CUX2: variants seen among roughly 807,000 people sequenced by gnomAD.
CUX2 encodes homeobox protein cut-like 2.
Under a neutral mutation model 144.8 loss-of-function variants are expected in CUX2, and 40 were observed. The observed-to-expected ratio is 0.28, with a 90% confidence interval of 0.21 to 0.36. CUX2 has a LOEUF of 0.36. CUX2 is among the 10% of genes least tolerant of loss of function. The pLI, the probability that CUX2 is intolerant of heterozygous loss-of-function variation, is 1.00. For synonymous variants in CUX2, 827 were observed against 875.6 expected, an observed-to-expected ratio of 0.94 and a Z score of 0.98; for missense variants, 1,615 against 1,994.0, an observed-to-expected ratio of 0.81 and a Z score of 3.62.
chr12:111,066,098 G>A (rs1871009195), intron 1 of CUX2, among the ~76,000 whole-genome samples: 1 of 152,232 alleles, frequency 6.6e-6, no homozygotes, highest in Non-Finnish European at 1.5e-5. Flanking sequence ...TACTCGCTGA[G>A]TGTGAAGGCC....
chr12:111,251,008 A>AT (rs1289159382), intron 3 of CUX2, among the ~76,000 whole-genome samples: 2 of 151,958 alleles, frequency 1.3e-5, no homozygotes, highest in Non-Finnish European at 1.5e-5. Context: ...CGTATAGTGT[A>AT]TTTTTTTTAA....
At chr12:111,150,842 C>T (rs1877002229) in intron 1 of CUX2, among the ~76,000 whole-genome samples, 2 of 152,022 alleles carry the variant, frequency 1.3e-5, no homozygotes, top group Non-Finnish European at 2.9e-5. Flanking sequence ...ACCACAAAGA[C>T]GAGAGGTCAC....
At chr12:111,227,978 C>T (rs754235760) in intron 3 of CUX2, among the ~76,000 whole-genome samples, 18 of 152,174 alleles carry the variant, frequency 1.2e-4, no homozygotes, top group Non-Finnish European at 2.4e-4. Flanking sequence ...ACAGCGCCAG[C>T]GGCAATCACG....
Position 111,196,436 on chromosome 12 carries a change from G to A in CUX2, c.64-17764G>A, listed in dbSNP as rs754423016. Among the ~76,000 whole-genome samples the A allele has an allele frequency of 5.9e-4, 90 of 152,312 alleles. 1 individual carries two copies. Among genetic ancestry groups the A allele is most frequent in the Non-Finnish European group, 1.2e-3 (79 of 68,032 alleles). ...GAAACTGCCAAACTGTTTTTCTGAA[G>A]TGGCTGTACCATGTTGCATTCCCAC... On this transcript the variant is annotated intron_variant, in intron 1 of 21. Coordinates refer to ENST00000261726, the MANE Select transcript of CUX2 (RefSeq NM_015267.4).
chr12:111,122,109 T>C (rs190908562), intron 1 of CUX2, among the ~76,000 whole-genome samples: 109 of 152,298 alleles, frequency 7.2e-4, no homozygotes, highest in African/African-American at 1.4e-3. Flanking sequence ...CCCGTCCACC[T>C]GGGACTGCCA....
intron 3 of CUX2, among the ~76,000 whole-genome samples, chr12:111,259,031 CTGTGTGTGTGTGTGTGTGTGTG>C (rs57814010): frequency 4.2e-4 from 56 of 132,310 alleles, no homozygotes; most frequent in African/African-American, 1.5e-3. Context: ...CCACACCCAG[CTGTGTGTGTGTGTGTGTGTGTG>C]TGTGTGTGTG....
intron 1 of CUX2, among the ~76,000 whole-genome samples, chr12:111,123,836 A>C (rs1215727780): frequency 6.6e-6 from 1 of 152,196 alleles, no homozygotes; most frequent in East Asian, 1.9e-4. Flanking sequence ...GCGCCCAGAC[A>C]AACTTAATCC....
chr12:111,099,537 C>T, intron 1 of CUX2: 1 of 456,608 alleles, frequency 2.2e-6, no homozygotes, highest in African/African-American at 2.0e-5. Context: ...GGGGTGGCCC[C>T]CTATTTGTTG....
At chr12:111,290,402 C>T (rs573472510) in intron 4 of CUX2, among the ~76,000 whole-genome samples, 1 of 152,256 alleles carries the variant, frequency 6.6e-6, no homozygotes, top group African/African-American at 2.4e-5. Flanking sequence ...ACTGGGACTA[C>T]AGGCATGTGC....
chr12:111,224,711 GCAGGGAGCAGGGGAGGC>G (rs1258835747), intron 3 of CUX2, among the ~76,000 whole-genome samples: 2 of 151,908 alleles, frequency 1.3e-5, no homozygotes, highest in African/African-American at 2.4e-5. Flanking sequence ...GCAGGGGAGG[GCAGGGAGCAGGGGAGGC>G]CAGGGAGCAG....
At chr12:111,207,078 C>T (rs377601075) in intron 1 of CUX2, among the ~76,000 whole-genome samples, 10 of 152,106 alleles carry the variant, frequency 6.6e-5, no homozygotes, top group Non-Finnish European at 1.2e-4. Context: ...GGTAGTTGGA[C>T]GGATGTTGGA....
At position 111,165,169 on chromosome 12, in the gene CUX2, C is replaced by T. The variant is rs532378784; in HGVS notation, c.64-49031C>T. 1.6e-4 allele frequency among the ~76,000 whole-genome samples: 25 copies of T among 152,184 alleles called. 1 individual carries two copies. The highest frequency in any genetic ancestry group is 6.2e-4 in the South Asian group (3 of 4,818). ...CGTAAGGGACTAGGGGCTATTTATG[C>T]GGGTAAGGATGGGGTGGAGGCTATG... On this transcript the variant is annotated intron_variant, in intron 1 of 21. Coordinates refer to ENST00000261726, the MANE Select transcript of CUX2 (RefSeq NM_015267.4).
At chr12:111,331,299 C>G (rs1009764935) in intron 18 of CUX2, among the ~76,000 whole-genome samples, 1 of 152,082 alleles carries the variant, frequency 6.6e-6, no homozygotes, top group East Asian at 1.9e-4. Context: ...AAAGTAAAGC[C>G]GTTGCTCCCT....
intron 3 of CUX2, 117 bp downstream of exon 3, chr12:111,218,054 T>C: frequency 1.0e-6 from 1 of 996,026 alleles, no homozygotes; most frequent in East Asian, 2.4e-5. Flanking sequence ...GAAGCTTCCC[T>C]GTCCCCATTG....
At position 111,291,580 on chromosome 12, in the gene CUX2, T is replaced by C. The variant is rs2136331516; in HGVS notation, c.436+28T>C. Reference sequence around the variant, plus strand: ...ACTGATAAGGCCTTCTCGGAGCGTCTACAATAAACAACCAGGCTGCAGATC... The same window carrying C: ...ACTGATAAGGCCTTCTCGGAGCGTCCACAATAAACAACCAGGCTGCAGATC... On this transcript the variant is annotated intron_variant, in intron 5 of 21. Transcript: ENST00000261726. The C allele has an allele frequency of 1.9e-6, 3 of 1,549,022 alleles. No homozygotes were observed. In the East Asian group the frequency reaches 7.0e-5, roughly 36 times the overall value.
intron 1 of CUX2, among the ~76,000 whole-genome samples, chr12:111,166,052 G>A (rs191652248): frequency 4.6e-5 from 7 of 152,150 alleles, no homozygotes; most frequent in Admixed American, 3.9e-4. Flanking sequence ...TGGGTGTCTC[G>A]CTGTCACCCA....
intron 17 of CUX2, among the ~76,000 whole-genome samples, chr12:111,321,921 G>A (rs1469920898): frequency 1.3e-5 from 2 of 151,922 alleles, no homozygotes; most frequent in African/African-American, 2.4e-5. Context: ...TTACATGTAG[G>A]GACATTAGGG....
intron 4 of CUX2, among the ~76,000 whole-genome samples, chr12:111,290,467 C>G (rs996084058): frequency 2.6e-5 from 4 of 152,128 alleles, no homozygotes; most frequent in African/African-American, 9.6e-5. Flanking sequence ...TTACTCTGTC[C>G]CCCAGGCTGG....
intron 1 of CUX2, among the ~76,000 whole-genome samples, chr12:111,085,866 CTTA>C (rs750702242): frequency 1.3e-5 from 2 of 152,228 alleles, no homozygotes; most frequent in Non-Finnish European, 2.9e-5. Flanking sequence ...CCAGCAAGGG[CTTA>C]CACAGGGCAG....
Sources: gnomAD v4.1 joint callset for allele counts (sites outside exome capture counted in the v4.1 genomes callset) on GRCh38, gnomAD v4.1.1 for gene constraint, MANE v1.5 for transcripts, NCBI Gene and HGNC (gene_info 2026-07-23, HGNC 2026-07-21) for gene names.